Variants in TNKS observed in about 807,000 individuals in gnomAD.
The protein encoded by TNKS is tankyrase.
A neutral mutation model predicts 135.8 loss-of-function variants in TNKS; 72 were observed. The observed-to-expected ratio is 0.53, with a 90% CI of 0.44 to 0.64. The LOEUF (loss-of-function observed/expected upper bound fraction) is 0.64, where lower values mean the gene tolerates loss of function less well. Ranked by LOEUF, TNKS falls within the 30% of genes least tolerant of loss-of-function variation. The pLI is 0.00. For synonymous variants in TNKS, 849 were observed against 649.3 expected (o/e 1.31, Z -4.68); for missense variants, 1,769 against 1,674.0 (o/e 1.06, Z -0.99).
chr8:9,598,989 G>C (rs941329706), intron 2 of TNKS, among the ~76,000 whole-genome samples: 1 of 151,220 alleles, frequency 6.6e-6, no homozygotes, highest in Non-Finnish European at 1.5e-5. Context: ...AAACAGATTG[G>C]GAAGCACCTT....
At chr8:9,643,126 A>T (rs575343917) in intron 3 of TNKS, among the ~76,000 whole-genome samples, 1 of 146,586 alleles carries the variant, frequency 6.8e-6, no homozygotes, top group South Asian at 2.2e-4. Flanking sequence ...AAATTTACTC[A>T]TTAGACATAA....
intron 9 of TNKS, among the ~76,000 whole-genome samples, chr8:9,709,314 A>G (rs1314366120): frequency 2.0e-5 from 3 of 152,208 alleles, no homozygotes; most frequent in Non-Finnish European, 4.4e-5. Flanking sequence ...ATGCTAGGAG[A>G]TATTCATAGC....
chr8:9,669,183 C>A (rs1283918852), intron 3 of TNKS, among the ~76,000 whole-genome samples: 3 of 151,790 alleles, frequency 2.0e-5, no homozygotes, highest in Non-Finnish European at 4.4e-5. Context: ...CTTTGGGAGG[C>A]CGAGGCGGGT....
At chr8:9,617,297 A>G (rs1371169707) in intron 3 of TNKS, among the ~76,000 whole-genome samples, 1 of 152,220 alleles carries the variant, frequency 6.6e-6, no homozygotes, top group African/African-American at 2.4e-5. Flanking sequence ...ACTAAAATTG[A>G]CTTTAAAGCC....
chr8:9,751,317 T>C (rs1212198938), intron 18 of TNKS, among the ~76,000 whole-genome samples: 1 of 152,200 alleles, frequency 6.6e-6, no homozygotes, highest in Non-Finnish European at 1.5e-5. Flanking sequence ...AAACAAAATA[T>C]AGTAAACACA....
At chr8:9,675,067 A>G (rs2128794833) in intron 3 of TNKS, among the ~76,000 whole-genome samples, 1 of 152,264 alleles carries the variant, frequency 6.6e-6, no homozygotes, top group South Asian at 2.1e-4. Flanking sequence ...GCCCATGTTT[A>G]AGTATAGCAG....
At chr8:9,612,254 A>C (rs1051079685) in intron 2 of TNKS, among the ~76,000 whole-genome samples, 1 of 152,216 alleles carries the variant, frequency 6.6e-6, no homozygotes, top group African/African-American at 2.4e-5. Context: ...AATATAAATA[A>C]AAAGAAGTAC....
chr8:9,607,092 A>T (rs532369807), intron 2 of TNKS, among the ~76,000 whole-genome samples: 20 of 152,254 alleles, frequency 1.3e-4, no homozygotes, highest in African/African-American at 4.6e-4. Flanking sequence ...CAGAGCTTTT[A>T]TGGGGGTCAT....
intron 3 of TNKS, among the ~76,000 whole-genome samples, chr8:9,650,877 G>C (rs902584261): frequency 6.6e-6 from 1 of 152,100 alleles, no homozygotes; most frequent in Non-Finnish European, 1.5e-5. Context: ...GTTGTTGGTT[G>C]TGAATTCTTT....
chr8:9,765,910 T>TTTGA (rs1417242665), intron 24 of TNKS, 113 bp downstream of exon 24: 1 of 826,526 alleles, frequency 1.2e-6, no homozygotes, highest in Non-Finnish European at 1.9e-6. Context: ...AACGGCTTGT[T>TTTGA]TTGATTATTT....
At chr8:9,673,042 A>G (rs189689707) in intron 3 of TNKS, among the ~76,000 whole-genome samples, 345 of 152,346 alleles carry the variant, frequency 2.3e-3, no homozygotes, top group Admixed American at 6.7e-3. Context: ...TCCAATTTAA[A>G]GAATGTATGT....
At chr8:9,658,638 T>A (rs1329950142) in intron 3 of TNKS, among the ~76,000 whole-genome samples, 1 of 152,134 alleles carries the variant, frequency 6.6e-6, no homozygotes, top group Non-Finnish European at 1.5e-5. Context: ...ACATGCCAAA[T>A]TGTAAAGACC....
At chr8:9,717,955 C>A (rs912492144) in intron 11 of TNKS, among the ~76,000 whole-genome samples, 1 of 151,878 alleles carries the variant, frequency 6.6e-6, no homozygotes, top group African/African-American at 2.4e-5. Flanking sequence ...AAAATACAAA[C>A]AATACATTTT....
chr8:9,669,837 G>C (rs1019506483), intron 3 of TNKS, among the ~76,000 whole-genome samples: 17 of 152,054 alleles, frequency 1.1e-4, no homozygotes, highest in African/African-American at 3.9e-4. Context: ...TGGTCAGGAA[G>C]AGTTTCAGAC....
intron 15 of TNKS, among the ~76,000 whole-genome samples, chr8:9,734,313 T>C (rs1198629136): frequency 6.6e-6 from 1 of 152,220 alleles, no homozygotes; most frequent in Non-Finnish European, 1.5e-5. Context: ...TTAATAGCTA[T>C]TGGTAATTAA....
intron 14 of TNKS, among the ~76,000 whole-genome samples, chr8:9,731,531 C>T (rs1266102634): frequency 2.6e-5 from 4 of 151,452 alleles, no homozygotes; most frequent in Admixed American, 2.6e-4. Flanking sequence ...GTCAGCCCAC[C>T]TCCTGCTCAG....
In TNKS at chr8:9,746,881, C is replaced by CTTTTT. The variant is rs10672387; in HGVS notation, c.2644-1128_2644-1124dup. Among the ~76,000 whole-genome samples the CTTTTT allele has an allele frequency of 1.4e-3, 161 of 117,128 alleles. 7 individuals are homozygous for CTTTTT. The highest frequency in any genetic ancestry group is 6.0e-3 in the Middle Eastern group (1 of 168). 76.8% of individuals were successfully genotyped at this position (117,128 alleles called of 152,430 possible). Reference sequence around the variant, plus strand: ...TCTGAGAGTTTCATACCTACTTAAACTTTTTTTTTTTTTTTTTTTGAGACG... The same window carrying CTTTTT: ...TCTGAGAGTTTCATACCTACTTAAACTTTTTTTTTTTTTTTTTTTTTTTTGAGACG... On this transcript the variant is annotated intron_variant, in intron 17 of 26. Coordinates refer to ENST00000310430, the MANE Select transcript of TNKS (RefSeq NM_003747.3).
chr8:9,675,459 A>G, intron 3 of TNKS, among the ~76,000 whole-genome samples: 1 of 152,212 alleles, frequency 6.6e-6, no homozygotes, highest in East Asian at 1.9e-4. Context: ...TGATAAGTTC[A>G]GAAATTAAGG....
intron 1 of TNKS, among the ~76,000 whole-genome samples, chr8:9,571,296 G>C (rs1176558785): frequency 6.6e-6 from 1 of 152,124 alleles, no homozygotes; most frequent in African/African-American, 2.4e-5. Context: ...CTGTATCTAA[G>C]TTCACATAGC....
Sources: allele counts gnomAD v4.1 joint callset (sites outside exome capture counted in the v4.1 genomes callset), GRCh38; gene constraint gnomAD v4.1.1; transcripts MANE v1.5; gene names NCBI Gene and HGNC (gene_info 2026-07-23, HGNC 2026-07-21).